Variants in FAM227A observed in about 807,000 individuals in gnomAD.
The protein encoded by FAM227A is protein FAM227A.
In FAM227A, 80 loss-of-function variants were observed where a neutral mutation model predicts 74.7. The observed-to-expected ratio is 1.07, with a 90% confidence interval of 0.89 to 1.29. The LOEUF is 1.29. Ranked by LOEUF, FAM227A falls within the 50% of genes most tolerant of loss-of-function variation. The probability of loss-of-function intolerance (pLI) is 0.00; values close to 1 mark genes in which losing one functional copy is unlikely to be tolerated. For missense variants in FAM227A, 654 were observed against 683.4 expected (o/e 0.96, Z 0.48); for synonymous variants, 237 against 241.8 (o/e 0.98, Z 0.19).
intron 8 of FAM227A, among the ~76,000 whole-genome samples, chr22:38,627,119 T>A (rs917196866): frequency 3.3e-5 from 5 of 150,952 alleles, no homozygotes; most frequent in Non-Finnish European, 2.9e-5. Flanking sequence ...TCCTTCCTCA[T>A]CCCTAAATCA....
chr22:38,621,881 C>T (rs2145559093), intron 10 of FAM227A, among the ~76,000 whole-genome samples: 1 of 152,320 alleles, frequency 6.6e-6, no homozygotes, highest in East Asian at 1.9e-4. Flanking sequence ...CAAGGCTGGA[C>T]TGGGTCCCCC....
chr22:38,629,377 A>C (rs1182416029), intron 6 of FAM227A, among the ~76,000 whole-genome samples: 1 of 152,262 alleles, frequency 6.6e-6, no homozygotes, highest in Non-Finnish European at 1.5e-5. Context: ...AGCAGCAGAG[A>C]TGTAGCTTCC....
At chr22:38,639,112 T>C (rs565485504) in intron 4 of FAM227A, among the ~76,000 whole-genome samples, 2 of 152,086 alleles carry the variant, frequency 1.3e-5, no homozygotes, top group East Asian at 1.9e-4. Context: ...CCAGGTGTTA[T>C]AAAAATTTAA....
chr22:38,648,233 C>T (rs766706063), intron 2 of FAM227A, among the ~76,000 whole-genome samples: 7 of 149,088 alleles, frequency 4.7e-5, no homozygotes, highest in Non-Finnish European at 4.4e-5. Context: ...AGAGCCTGGA[C>T]GATGCCAGAA....
In FAM227A at chr22:38,578,357, C is replaced by T. The variant is rs1007732566; in HGVS notation, c.*7768G>A. 2.0e-5 allele frequency: 3 copies of T among 152,068 alleles called. No individual in the cohort carries two copies. The highest frequency in any genetic ancestry group is 1.9e-4 in the East Asian group (1 of 5,182). 9.4% of individuals were successfully genotyped at this position (152,068 alleles called of 1,614,324 possible). ...TCAGCTGCTGACTGAAACATCGTTA[C>T]GTGGTGCATGACTGTGTGTATGTAT... On this transcript the variant is annotated 3_prime_UTR_variant, in exon 17 of 17. Coordinates refer to ENST00000535113, the MANE Select transcript of FAM227A (RefSeq NM_001013647.2).
intron 15 of FAM227A, 42 bp downstream of exon 15, chr22:38,597,162 A>G (rs749499776): frequency 1.0e-5 from 16 of 1,542,396 alleles, no homozygotes; most frequent in Admixed American, 5.9e-5. Context: ...GCTGCAAAAG[A>G]TAAGTGCGGA....
chr22:38,621,588 G>A, intron 10 of FAM227A, among the ~76,000 whole-genome samples: 1 of 152,144 alleles, frequency 6.6e-6, no homozygotes, highest in East Asian at 1.9e-4. Context: ...CTGGGCGACA[G>A]AGCAAGACTC....
At chr22:38,600,292 A>G (rs759298765) in intron 13 of FAM227A, among the ~76,000 whole-genome samples, 3 of 150,024 alleles carry the variant, frequency 2.0e-5, no homozygotes, top group East Asian at 1.9e-4. Flanking sequence ...TGTTTTTTAT[A>G]TGTGTGTGTG....
Position 38,648,964 on chromosome 22 carries a change from T to C in FAM227A, c.142+1063A>G, listed in dbSNP as rs1318323583. 2.0e-4 allele frequency among the ~76,000 whole-genome samples: 29 copies of C among 144,624 alleles called. No individual in the cohort carries two copies. The East Asian group carries it at 5.8e-3, about 29-fold the overall frequency. The allele number at this position is 144,624 out of a possible 152,430, so 94.9% of individuals were successfully genotyped here. ...TCCAGCCTGAGCAACAGAGTGAGAC[T>C]CTGTCTCAAAAAAAAAAAAAAGAAA... On this transcript the variant is annotated intron_variant, in intron 2 of 16. Transcript: ENST00000535113.
intron 6 of FAM227A, among the ~76,000 whole-genome samples, chr22:38,636,013 G>A (rs939698564): frequency 3.6e-5 from 5 of 138,026 alleles, no homozygotes; most frequent in African/African-American, 1.4e-4. Context: ...AAAAGAAAAA[G>A]AAGGAAAGAA....
chr22:38,637,481 A>G (rs2092030188), intron 5 of FAM227A, among the ~76,000 whole-genome samples: 1 of 152,262 alleles, frequency 6.6e-6, no homozygotes, highest in African/African-American at 2.4e-5. Flanking sequence ...ATGACTATAA[A>G]AAATGTAAAA....
intron 2 of FAM227A, among the ~76,000 whole-genome samples, chr22:38,647,578 C>T (rs781521910): frequency 5.9e-5 from 9 of 152,164 alleles, no homozygotes; most frequent in South Asian, 2.1e-4. Flanking sequence ...GGACAGATGA[C>T]GGCGTCAAAG....
rs189529713 is a variant in FAM227A at position 38,582,194 on chromosome 22, C to T, written c.*3931G>A. 1.4e-6 allele frequency: 1 copy of T among 710,434 alleles called. No individual in the cohort carries two copies. The highest frequency in any genetic ancestry group is 2.3e-6 in the Non-Finnish European group (1 of 436,160). The allele number at this position is 710,434 out of a possible 1,614,324, so 44.0% of individuals were successfully genotyped here. A position where few individuals can be genotyped will look rare whatever the true frequency, so the allele number is the denominator to read the frequency against. Reference sequence around the variant, plus strand: ...TGTCACCCCCAAAAGTTTATTTGGGCCTCTTTGTAACCCCTTCCAGCTTCC... The same window carrying T: ...TGTCACCCCCAAAAGTTTATTTGGGTCTCTTTGTAACCCCTTCCAGCTTCC... On this transcript the variant is annotated 3_prime_UTR_variant, in exon 17 of 17. Coordinates refer to ENST00000535113, the MANE Select transcript of FAM227A (RefSeq NM_001013647.2).
rs1602871764 is a variant in FAM227A at position 38,597,330 on chromosome 22, A to T, written c.1406T>A (p.Val469Asp). Residue 469 changes from valine (V) to aspartate (D), a missense_variant, in exon 15 of 17, where the codon GTC (valine) becomes GAC (aspartate). Coordinates refer to ENST00000535113, the MANE Select transcript of FAM227A (RefSeq NM_001013647.2). The stretch of plus-strand genomic sequence containing the variant: ...CATGCTGCACAGGGTCTCGCTGATG[A>T]CATCAGTATACGTTGGGGTGCAGTC... ...TPDCTPTYTDVISETLCSMKK... is the reference protein window; with the variant it reads ...TPDCTPTYTDDISETLCSMKK... The T allele has an allele frequency of 1.4e-5, 21 of 1,551,820 alleles. No homozygotes were observed. In the East Asian group the frequency reaches 5.1e-4, roughly 38 times the overall value.
At chr22:38,605,144 G>A in intron 13 of FAM227A, 110 bp downstream of exon 13, 1 of 665,192 alleles carries the variant, frequency 1.5e-6, no homozygotes, top group Non-Finnish European at 2.7e-6. Flanking sequence ...GTTTGGCATA[G>A]TACCTGGCAT....
intron 11 of FAM227A, among the ~76,000 whole-genome samples, chr22:38,613,272 T>TCATATATAA (rs1491274790): frequency 5.5e-5 from 4 of 72,664 alleles, no homozygotes; most frequent in Non-Finnish European, 7.2e-5. Flanking sequence ...ATAACATATA[T>TCATATATAA]TATATATCAT....
In FAM227A at chr22:38,582,072, G is replaced by C. The variant is rs6001161; in HGVS notation, c.*4053C>G. 5,532 of 362,606 alleles carry C rather than the reference G, an allele frequency of 0.015. 283 individuals carry two copies. The highest frequency in any genetic ancestry group is 0.11 in the African/African-American group (5,086 of 47,566). The allele number at this position is 362,606 out of a possible 1,614,324, so 22.5% of individuals were successfully genotyped here. On this transcript the variant is annotated 3_prime_UTR_variant, in exon 17 of 17. Coordinates refer to ENST00000535113, the MANE Select transcript of FAM227A (RefSeq NM_001013647.2). ...CGTTTTTTAACAAAGCTTTATCGAA[G>C]TATAATTGACATATGAGAAACTGCA...
At chr22:38,604,806 C>T (rs746925101) in intron 13 of FAM227A, among the ~76,000 whole-genome samples, 6 of 152,108 alleles carry the variant, frequency 3.9e-5, no homozygotes, top group Non-Finnish European at 5.9e-5. Flanking sequence ...GGCACGCCAC[C>T]GTGCCCAGCT....
At chr22:38,615,670 G>A (rs1428172046) in intron 11 of FAM227A, among the ~76,000 whole-genome samples, 1 of 152,218 alleles carries the variant, frequency 6.6e-6, no homozygotes, top group African/African-American at 2.4e-5. Context: ...GCCTGATTCT[G>A]TACGGCACTG....
Sources: allele counts gnomAD v4.1 joint callset (sites outside exome capture counted in the v4.1 genomes callset), GRCh38; gene constraint gnomAD v4.1.1; transcripts MANE v1.5; gene names NCBI Gene and HGNC (gene_info 2026-07-23, HGNC 2026-07-21).